The following PHF21A variants were observed in gnomAD, a reference collection of about 807,000 sequenced individuals.
PHF21A encodes the protein PHD finger protein 21A, also known as BHC80a.
Under a neutral mutation model 82.5 loss-of-function variants are expected in PHF21A, and 11 were observed. The observed-to-expected ratio is 0.13, with a 90% confidence interval of 0.08 to 0.22. The LOEUF is 0.22. Ranked by LOEUF, PHF21A falls within the 10% of genes least tolerant of loss-of-function variation. PHF21A has a pLI of 1.00. For synonymous variants in PHF21A, 297 were observed against 302.8 expected (o/e 0.98, Z 0.20); for missense variants, 579 against 837.8 (o/e 0.69, Z 3.81).
At chr11:46,053,708 C>T (rs1047244117) in intron 6 of PHF21A, among the ~76,000 whole-genome samples, 5 of 152,104 alleles carry the variant, frequency 3.3e-5, no homozygotes. Context: ...CCTCATCTTC[C>T]TCCCGTTCTT....
intron 1 of PHF21A, among the ~76,000 whole-genome samples, chr11:46,103,163 T>C (rs141917492): frequency 4.0e-4 from 61 of 152,290 alleles, no homozygotes; most frequent in African/African-American, 1.4e-3. Flanking sequence ...TTCAAAATTG[T>C]ATAATTCTTT....
chr11:46,078,330 T>C (rs2096751794), intron 5 of PHF21A, among the ~76,000 whole-genome samples: 1 of 152,188 alleles, frequency 6.6e-6, no homozygotes, highest in South Asian at 2.1e-4. Flanking sequence ...TACTTTACAG[T>C]GAAGCCTGTA....
chr11:46,106,389 GA>G (rs1242933975), intron 1 of PHF21A, among the ~76,000 whole-genome samples: 1 of 152,092 alleles, frequency 6.6e-6, no homozygotes, highest in Non-Finnish European at 1.5e-5. Context: ...ATTAAATAAA[GA>G]AAATAAACAG....
chr11:45,946,684 A>AT (rs1339190788), intron 14 of PHF21A, among the ~76,000 whole-genome samples: 1 of 152,084 alleles, frequency 6.6e-6, no homozygotes, highest in African/African-American at 2.4e-5. Context: ...CGAATTTATT[A>AT]TTTTTTCATA....
chr11:46,095,125 T>G (rs973553058), intron 1 of PHF21A, among the ~76,000 whole-genome samples: 1 of 152,102 alleles, frequency 6.6e-6, no homozygotes, highest in African/African-American at 2.4e-5. Context: ...ACTGTGCACA[T>G]CAGAAATCCC....
chr11:46,015,001 T>A lies in PHF21A; in HGVS notation c.154-35035A>T, dbSNP rs1467804408. On this transcript the variant is annotated intron_variant, in intron 6 of 18. Coordinates refer to ENST00000676320, the MANE Select transcript of PHF21A (RefSeq NM_001352027.3). ...TCTCAAAAAAAAAAAAAAATAAAAA[T>A]AAAAAAATAAAAAAAAATAAAAAAA... Among the ~76,000 whole-genome samples the A allele has an allele frequency of 1.7e-4, 8 of 46,668 alleles. 2 individuals are homozygous for A. Among genetic ancestry groups the A allele is most frequent in the Non-Finnish European group, 2.4e-4 (7 of 29,680 alleles). The allele number at this position is 46,668 out of a possible 152,430, so 30.6% of individuals were successfully genotyped here. A position where few individuals can be genotyped will look rare whatever the true frequency, so the allele number is the denominator to read the frequency against.
At chr11:46,054,740 T>C (rs1186813678) in intron 6 of PHF21A, among the ~76,000 whole-genome samples, 1 of 152,190 alleles carries the variant, frequency 6.6e-6, no homozygotes, top group East Asian at 1.9e-4. Flanking sequence ...TTTTCAGCCT[T>C]GTTCATCACT....
At chr11:46,106,920 CAGAA>C (rs2097158722) in intron 1 of PHF21A, among the ~76,000 whole-genome samples, 1 of 152,212 alleles carries the variant, frequency 6.6e-6, no homozygotes, top group East Asian at 1.9e-4. Context: ...CAGCCTTTCA[CAGAA>C]AGAAAGGCTG....
intron 16 of PHF21A, 65 bp from the exon 17 acceptor site, chr11:45,936,634 C>T: frequency 9.8e-7 from 1 of 1,025,552 alleles, no homozygotes; most frequent in South Asian, 1.3e-5. Context: ...TATGTAACAG[C>T]TAGCAGTGGT....
intron 1 of PHF21A, among the ~76,000 whole-genome samples, chr11:46,097,293 T>C (rs2097013337): frequency 6.6e-6 from 1 of 151,998 alleles, no homozygotes; most frequent in Non-Finnish European, 1.5e-5. Context: ...AAAGATGAAG[T>C]TCCTTTCAAT....
At chr11:45,958,447 T>TACACAC (rs1201890167) in intron 10 of PHF21A, among the ~76,000 whole-genome samples, 330 of 21,454 alleles carry the variant, frequency 0.015, 9 homozygotes, top group East Asian at 0.041. Context: ...TATATATATA[T>TACACAC]ATACACACAC....
At chr11:45,970,096 A>T in intron 8 of PHF21A, 192 bp from the exon 9 acceptor site, 1 of 548,126 alleles carries the variant, frequency 1.8e-6, no homozygotes, top group Non-Finnish European at 3.2e-6. Flanking sequence ...ACCCTATAAA[A>T]TGAACCAACC....
Position 45,932,538 on chromosome 11 carries a change from A to T in PHF21A, c.*1430T>A, listed in dbSNP as rs941918869. The T allele has an allele frequency of 1.3e-5, 2 of 152,546 alleles. No individual in the cohort carries two copies. Among genetic ancestry groups the T allele is most frequent in the Non-Finnish European group, 2.9e-5 (2 of 68,036 alleles). The allele number at this position is 152,546 out of a possible 1,614,324, so 9.4% of individuals were successfully genotyped here. ...CATCGTGATCAGCAGGGTCTGTGCT[A>T]AAAAATTATAACTACACGGCATTTT... On this transcript the variant is annotated 3_prime_UTR_variant, in exon 19 of 19. Coordinates refer to ENST00000676320, the MANE Select transcript of PHF21A (RefSeq NM_001352027.3). The surrounding 1 kb of genome is among the most constrained non-coding windows in gnomAD (Gnocchi z 4.3).
At chr11:46,048,332 T>C (rs2139049895) in intron 6 of PHF21A, among the ~76,000 whole-genome samples, 1 of 152,372 alleles carries the variant, frequency 6.6e-6, no homozygotes, top group South Asian at 2.1e-4. Context: ...TGTATCATTC[T>C]ATATGTAGTA....
intron 6 of PHF21A, among the ~76,000 whole-genome samples, chr11:46,020,990 T>C (rs978309529): frequency 6.6e-6 from 1 of 151,860 alleles, no homozygotes; most frequent in African/African-American, 2.4e-5. Context: ...GTATGATGGG[T>C]TTATTGGACC....
At chr11:46,119,761 A>T (rs566309959) in intron 1 of PHF21A, 1 of 150,384 alleles carries the variant, frequency 6.6e-6, no homozygotes, top group South Asian at 2.1e-4. Flanking sequence ...AAAAAAAAGA[A>T]ATCCTAACAG....
intron 15 of PHF21A, among the ~76,000 whole-genome samples, chr11:45,940,271 C>T (rs2090087471): frequency 6.6e-6 from 1 of 151,920 alleles, no homozygotes; most frequent in Non-Finnish European, 1.5e-5. Flanking sequence ...TCTCGGCTCA[C>T]TGCAACCTCT....
chr11:46,112,644 G>A (rs1247339372), intron 1 of PHF21A, among the ~76,000 whole-genome samples: 4 of 152,034 alleles, frequency 2.6e-5, no homozygotes, highest in Non-Finnish European at 4.4e-5. Flanking sequence ...CAGTTAAAGC[G>A]TACAGATATT....
intron 6 of PHF21A, among the ~76,000 whole-genome samples, chr11:46,036,664 GACTCGACCATTTTTTCC>G (rs1473276408): frequency 6.6e-6 from 1 of 152,114 alleles, no homozygotes; most frequent in Admixed American, 6.5e-5. Context: ...TTGCTTTTCT[GACTCGACCATTTTTTCC>G]ACTGTTATTT....
Sources: allele counts gnomAD v4.1 joint callset (sites outside exome capture counted in the v4.1 genomes callset), GRCh38; gene constraint gnomAD v4.1.1; non-coding constraint Gnocchi (gnomAD v3.1); transcripts MANE v1.5; gene names NCBI Gene and HGNC (gene_info 2026-07-23, HGNC 2026-07-21).